WLS: variants seen among roughly 807,000 people sequenced by gnomAD.
WLS encodes Wnt ligand secretion mediator.
Under a neutral mutation model 62.8 loss-of-function variants are expected in WLS, and 23 were observed. That is an observed-to-expected ratio of 0.37 (90% CI 0.26 to 0.52). The LOEUF (loss-of-function observed/expected upper bound fraction) is 0.52, where lower values mean the gene tolerates loss of function less well. Among genes scored for constraint, WLS ranks in the 20% least tolerant of loss-of-function variants. The pLI is 0.92. For missense variants in WLS, 615 were observed against 697.3 expected (o/e 0.88, Z 1.33); for synonymous variants, 246 against 244.1 (o/e 1.01, Z -0.07).
At chr1:68,199,156 C>G (rs772481949) in intron 1 of WLS, among the ~76,000 whole-genome samples, 7 of 152,200 alleles carry the variant, frequency 4.6e-5, no homozygotes, top group Non-Finnish European at 8.8e-5. Flanking sequence ...TTTAAGCCAA[C>G]ATAGACTATT....
chr1:68,223,793 G>T (rs1340903563), intron 1 of WLS, among the ~76,000 whole-genome samples: 1 of 152,152 alleles, frequency 6.6e-6, no homozygotes, highest in Admixed American at 6.5e-5. Flanking sequence ...GAGGCCACAG[G>T]TTGTCTGCAG....
chr1:68,113,861 G>A (rs903367796), intron 11 of WLS, among the ~76,000 whole-genome samples: 3 of 152,242 alleles, frequency 2.0e-5, no homozygotes, highest in Admixed American at 6.5e-5. Flanking sequence ...GGAGCAGAAC[G>A]ATAATGTGCA....
rs186355016 is a variant in WLS, at chr1:68,223,951, G to A, written c.106+8243C>T. 2.2e-3 allele frequency among the ~76,000 whole-genome samples: 330 copies of A among 152,328 alleles called. 1 individual carries two copies. The highest frequency in any genetic ancestry group is 7.4e-3 in the African/African-American group (309 of 41,580). Reference sequence around the variant, plus strand: ...CTGGCCTTATTAAACTAGGTCTGAAGAAAAACTGAGTCAACCATTTACAGA... The same window carrying A: ...CTGGCCTTATTAAACTAGGTCTGAAAAAAAACTGAGTCAACCATTTACAGA... On this transcript the variant is annotated intron_variant, in intron 1 of 11. Transcript: ENST00000262348.
chr1:68,204,277 G>T (rs145265256), intron 1 of WLS, among the ~76,000 whole-genome samples: 139 of 152,214 alleles, frequency 9.1e-4, no homozygotes, highest in African/African-American at 3.2e-3. Flanking sequence ...CATTTTAAGG[G>T]TAACTTGCAG....
At chr1:68,104,190 A>AT (rs1176703409) in intron 11 of WLS, among the ~76,000 whole-genome samples, 8 of 130,078 alleles carry the variant, frequency 6.2e-5, no homozygotes, top group South Asian at 2.4e-4. Flanking sequence ...AATGTTTGTG[A>AT]TTTAAAAAAA....
chr1:68,141,936 T>G (rs971680161), intron 10 of WLS: 1 of 152,178 alleles, frequency 6.6e-6, no homozygotes, highest in African/African-American at 2.4e-5. Flanking sequence ...AAGGCCTCAT[T>G]GCTACCCCCT....
At chr1:68,150,424 C>T (rs569279858) in intron 5 of WLS, 68 bp from the exon 6 acceptor site, 19 of 1,585,030 alleles carry the variant, frequency 1.2e-5, no homozygotes, top group South Asian at 5.7e-5. Flanking sequence ...AACAATTCCC[C>T]GAATTCAGTT....
intron 10 of WLS, among the ~76,000 whole-genome samples, chr1:68,139,980 AT>A (rs1351640045): frequency 6.6e-6 from 1 of 152,272 alleles, no homozygotes; most frequent in Admixed American, 6.5e-5. Flanking sequence ...CGTTATACTT[AT>A]TTAAAATAAG....
At chr1:68,227,470 AC>A (rs998209472) in intron 1 of WLS, among the ~76,000 whole-genome samples, 1 of 151,884 alleles carries the variant, frequency 6.6e-6, no homozygotes, top group African/African-American at 2.4e-5. Context: ...CACTGCAAGA[AC>A]CAAATAGTTA....
intron 8 of WLS, among the ~76,000 whole-genome samples, chr1:68,147,479 C>T (rs114254757): frequency 0.012 from 1,875 of 152,284 alleles, 24 homozygotes; most frequent in Non-Finnish European, 0.021. Context: ...CAACCCAAGC[C>T]TTTCTCTCCA....
chr1:68,133,348 T>TCC (rs1386077363), intron 11 of WLS, among the ~76,000 whole-genome samples: 1 of 152,134 alleles, frequency 6.6e-6, no homozygotes, highest in Admixed American at 6.5e-5. Flanking sequence ...GGCGCCACAC[T>TCC]CCCGCAGCAC....
At chr1:68,130,827 A>G (rs1386112667) in intron 11 of WLS, among the ~76,000 whole-genome samples, 2 of 151,902 alleles carry the variant, frequency 1.3e-5, no homozygotes, top group African/African-American at 4.8e-5. Flanking sequence ...CCTGGGCAAC[A>G]TAGAAAGATC....
chr1:68,177,325 A>G (rs1647301033), intron 2 of WLS, among the ~76,000 whole-genome samples: 1 of 152,128 alleles, frequency 6.6e-6, no homozygotes. Flanking sequence ...GTCTATGCAT[A>G]TTTGTCTCCC....
chr1:68,210,338 A>T (rs1389967141), intron 1 of WLS, among the ~76,000 whole-genome samples: 1 of 152,178 alleles, frequency 6.6e-6, no homozygotes, highest in Non-Finnish European at 1.5e-5. Context: ...GAGAGAAATG[A>T]TAGTCATCTT....
intron 1 of WLS, chr1:68,228,105 T>C: frequency 2.9e-6 from 1 of 348,670 alleles, no homozygotes; most frequent in East Asian, 7.7e-5. Context: ...TCTTATACAG[T>C]ATACATTACA....
At chr1:68,139,222 C>T (rs184542265) in intron 10 of WLS, among the ~76,000 whole-genome samples, 5 of 152,094 alleles carry the variant, frequency 3.3e-5, no homozygotes, top group Admixed American at 3.3e-4. Flanking sequence ...ATAAAATGCC[C>T]AGAAGTGTTT....
chr1:68,098,762 T>C (rs1260642863), intron 11 of WLS: 3 of 1,613,314 alleles, frequency 1.9e-6, no homozygotes, highest in South Asian at 1.1e-5. Context: ...TCCTGGAAAA[T>C]TCAGTATATT....
chr1:68,160,918 G>A (rs867343653), intron 2 of WLS, among the ~76,000 whole-genome samples: 3 of 152,016 alleles, frequency 2.0e-5, no homozygotes, highest in South Asian at 2.1e-4. Context: ...AAAATATCAC[G>A]TGAAGAAAAG....
downstream of WLS, among the ~76,000 whole-genome samples, chr1:68,124,255 T>C (rs1463660548): frequency 6.6e-6 from 1 of 152,188 alleles, no homozygotes; most frequent in African/African-American, 2.4e-5. Context: ...ATCATTCTGA[T>C]CGTATCACTT....
Sources: allele counts gnomAD v4.1 joint callset (sites outside exome capture counted in the v4.1 genomes callset), GRCh38; gene constraint gnomAD v4.1.1; transcripts MANE v1.5; gene names NCBI Gene and HGNC (gene_info 2026-07-23, HGNC 2026-07-21).